The following SLC8A1 variants were observed in gnomAD, a reference collection of about 807,000 sequenced individuals.
The protein encoded by SLC8A1 is solute carrier family 8 member A1.
SLC8A1 carries 18 observed loss-of-function variants against 68.3 expected under a neutral mutation model. The ratio of observed to expected loss-of-function variants is 0.26; its 90% CI spans 0.18 to 0.39. The LOEUF is 0.39. Ranked by LOEUF, SLC8A1 falls within the 10% of genes least tolerant of loss-of-function variation. The pLI is 1.00. For synonymous variants in SLC8A1, 475 were observed against 415.5 expected (o/e 1.14, Z -1.74); for missense variants, 985 against 1,156.7 (o/e 0.85, Z 2.15).
At chr2:40,102,864 T>A (rs2125029956) in exon 8 of SLC8A1, 1 of 152,312 alleles carries the variant, frequency 6.6e-6, no homozygotes. Flanking sequence ...ATACAGTCCT[T>A]ACTGCATTAA....
At chr2:40,391,203 T>C (rs964559823) in intron 2 of SLC8A1, among the ~76,000 whole-genome samples, 3 of 151,710 alleles carry the variant, frequency 2.0e-5, no homozygotes, top group Non-Finnish European at 2.9e-5. Flanking sequence ...CACACACACA[T>C]ATGTCTGTGT....
At chr2:40,393,149 T>C (rs149972003) in intron 2 of SLC8A1, among the ~76,000 whole-genome samples, 39 of 152,266 alleles carry the variant, frequency 2.6e-4, no homozygotes, top group Non-Finnish European at 4.6e-4. Context: ...AGTTATAACA[T>C]GTCAAGAACA....
chr2:40,189,566 A>G (rs959767999), intron 2 of SLC8A1, among the ~76,000 whole-genome samples: 19 of 152,074 alleles, frequency 1.2e-4, no homozygotes, highest in African/African-American at 4.6e-4. Flanking sequence ...CACCCACCCC[A>G]GCCTCCCAAA....
At chr2:40,143,355 G>A (rs1036239888) in intron 6 of SLC8A1, among the ~76,000 whole-genome samples, 17 of 152,098 alleles carry the variant, frequency 1.1e-4, no homozygotes, top group Admixed American at 1.0e-3. Context: ...AAAAATGATG[G>A]TAGGATGCCT....
At chr2:40,385,076 T>C (rs563289810) in intron 2 of SLC8A1, among the ~76,000 whole-genome samples, 1 of 152,238 alleles carries the variant, frequency 6.6e-6, no homozygotes, top group East Asian at 1.9e-4. Flanking sequence ...ATTCAATTCC[T>C]ATAGTACTCA....
rs142853526 is a variant in SLC8A1 at position 40,338,079 on chromosome 2, ATCTC to A, written c.1808+90390_1808+90393del. ...AGTGCTCTGTCTTAAGTTTCTCTCT[ATCTC>A]TCTCTCTCTCCCTCCCATCTCCCTC... On this transcript the variant is annotated intron_variant, in intron 2 of 7. Coordinates refer to ENST00000406785, the Ensembl canonical transcript of SLC8A1. Among the ~76,000 whole-genome samples the A allele has an allele frequency of 1.5e-3, 232 of 150,712 alleles. 1 individual carries two copies. The highest frequency in any genetic ancestry group is 5.2e-3 in the African/African-American group (215 of 41,072).
At chr2:40,487,995 G>A (rs1705078615) in intron 1 of SLC8A1, among the ~76,000 whole-genome samples, 1 of 152,130 alleles carries the variant, frequency 6.6e-6, no homozygotes, top group African/African-American at 2.4e-5. Flanking sequence ...CATAAGTGGG[G>A]TTAAAAAGTT....
intron 2 of SLC8A1, among the ~76,000 whole-genome samples, chr2:40,195,440 G>A (rs777906908): frequency 1.3e-5 from 2 of 151,834 alleles, no homozygotes; most frequent in African/African-American, 2.4e-5. Context: ...AAAATTGGTT[G>A]GGATCAGTCC....
intron 7 of SLC8A1, 88 bp downstream of exon 10, chr2:40,139,313 A>G: frequency 6.8e-7 from 1 of 1,466,536 alleles, no homozygotes; most frequent in Non-Finnish European, 9.3e-7. Flanking sequence ...GTTTGTTATC[A>G]CAGCCCTTGA....
intron 6 of SLC8A1, among the ~76,000 whole-genome samples, chr2:40,153,401 C>T (rs1318346117): frequency 1.3e-5 from 2 of 152,082 alleles, no homozygotes; most frequent in African/African-American, 4.8e-5. Flanking sequence ...CTAGAGAAGC[C>T]AAAGATTCCA....
intron 2 of SLC8A1, among the ~76,000 whole-genome samples, chr2:40,243,283 G>C (rs570251387): frequency 6.6e-6 from 1 of 152,132 alleles, no homozygotes; most frequent in South Asian, 2.1e-4. Context: ...AGGAGTTCAA[G>C]ACCAGCCTGG....
intron 2 of SLC8A1, among the ~76,000 whole-genome samples, chr2:40,336,235 T>C (rs1438016778): frequency 1.3e-5 from 2 of 152,336 alleles, no homozygotes; most frequent in Admixed American, 1.3e-4. Flanking sequence ...TCATATTGCA[T>C]TGTAATTGCC....
At chr2:40,307,255 T>C (rs1174776298) in intron 2 of SLC8A1, among the ~76,000 whole-genome samples, 1 of 152,032 alleles carries the variant, frequency 6.6e-6, no homozygotes, top group Non-Finnish European at 1.5e-5. Context: ...TGGTACACGG[T>C]TGAACTTTGG....
intron 1 of SLC8A1, among the ~76,000 whole-genome samples, chr2:40,431,256 G>A (rs1261693991): frequency 6.6e-6 from 1 of 152,024 alleles, no homozygotes; most frequent in Admixed American, 6.6e-5. Context: ...CCTTCTCGGT[G>A]TCGGTCATAT....
At chr2:40,181,013 G>A (rs992004468) in intron 2 of SLC8A1, among the ~76,000 whole-genome samples, 1 of 152,104 alleles carries the variant, frequency 6.6e-6, no homozygotes, top group Non-Finnish European at 1.5e-5. Context: ...AGGCTGGAGT[G>A]CAGTGGTGTG....
chr2:40,406,549 C>T (rs868258671), intron 2 of SLC8A1, among the ~76,000 whole-genome samples: 3 of 152,086 alleles, frequency 2.0e-5, no homozygotes, highest in African/African-American at 4.8e-5. Context: ...GGCCATCACA[C>T]GATCTAAGGT....
intron 2 of SLC8A1, among the ~76,000 whole-genome samples, chr2:40,318,894 G>A (rs1370501443): frequency 6.6e-6 from 1 of 151,998 alleles, no homozygotes; most frequent in Non-Finnish European, 1.5e-5. Flanking sequence ...TCAATACAAT[G>A]TTTGAGGGTA....
chr2:40,210,588 A>T (rs992794057), intron 2 of SLC8A1, among the ~76,000 whole-genome samples: 5 of 152,316 alleles, frequency 3.3e-5, no homozygotes, highest in Admixed American at 3.3e-4. Flanking sequence ...AAGGCCCATT[A>T]AGTCATCTTA....
At position 40,317,326 on chromosome 2, in the gene SLC8A1, CAT is replaced by C. The variant is rs1227319861; in HGVS notation, c.1808+111145_1808+111146del. Among the ~76,000 whole-genome samples, 3 of 152,128 alleles carry C rather than the reference CAT, an allele frequency of 2.0e-5. No homozygotes were observed. The East Asian group carries it at 5.8e-4, about 29-fold the overall frequency. On this transcript the variant is annotated intron_variant, in intron 2 of 7. Transcript: ENST00000406785. ...AAATAAGCTACATACATCATGTAAT[CAT>C]ATTGGTTTTATGAATCATATTTTTC...
Sources: gnomAD v4.1 joint callset for allele counts (sites outside exome capture counted in the v4.1 genomes callset) on GRCh38, gnomAD v4.1.1 for gene constraint, MANE v1.5 for transcripts, NCBI Gene and HGNC (gene_info 2026-07-23, HGNC 2026-07-21) for gene names.